Variants in DIAPH3 observed in about 807,000 individuals in gnomAD.
DIAPH3 encodes diaphanous related formin 3, also known as protein diaphanous homolog 3.
A neutral mutation model predicts 144.3 loss-of-function variants in DIAPH3; 117 were observed. That is an observed-to-expected ratio of 0.81 (90% CI 0.70 to 0.95). DIAPH3 has a LOEUF of 0.95. Ranked by LOEUF, DIAPH3 falls within the 40% of genes least tolerant of loss-of-function variation. The probability of loss-of-function intolerance (pLI) is 0.00; values close to 1 mark genes in which losing one functional copy is unlikely to be tolerated. For missense variants in DIAPH3, 1,421 were observed against 1,412.7 expected (o/e 1.01, Z -0.09); for synonymous variants, 519 against 488.9 (o/e 1.06, Z -0.81).
At chr13:59,974,916 C>T (rs1188725978) in intron 14 of DIAPH3, among the ~76,000 whole-genome samples, 1 of 152,030 alleles carries the variant, frequency 6.6e-6, no homozygotes, top group African/African-American at 2.4e-5. Flanking sequence ...TACTAAACAA[C>T]TCCATTCTAT....
intron 23 of DIAPH3, among the ~76,000 whole-genome samples, chr13:59,836,996 A>C (rs1387623317): frequency 2.6e-5 from 4 of 152,018 alleles, no homozygotes; most frequent in African/African-American, 9.7e-5. Flanking sequence ...GTCAGTCCTA[A>C]TTAATGTAAA....
chr13:59,840,834 C>T (rs1381403411), intron 22 of DIAPH3, among the ~76,000 whole-genome samples: 2 of 149,402 alleles, frequency 1.3e-5, no homozygotes, highest in Admixed American at 6.7e-5. Context: ...TTTTCCTTCT[C>T]ACGTATTCCC....
chr13:60,150,551 T>C (rs1251448322), intron 1 of DIAPH3, among the ~76,000 whole-genome samples: 1 of 152,112 alleles, frequency 6.6e-6, no homozygotes, highest in Non-Finnish European at 1.5e-5. Flanking sequence ...TTCAAAGTAC[T>C]GTGTGAGGGA....
At chr13:59,690,301 T>C (rs2033440834) in intron 27 of DIAPH3, among the ~76,000 whole-genome samples, 1 of 152,122 alleles carries the variant, frequency 6.6e-6, no homozygotes, top group East Asian at 1.9e-4. Context: ...CAGGCAAGAA[T>C]TACCAAGTTG....
In DIAPH3 at chr13:60,021,197, T is replaced by C. The variant is rs534961473; in HGVS notation, c.627-5052A>G. 2.0e-5 allele frequency among the ~76,000 whole-genome samples: 3 copies of C among 152,372 alleles called. No homozygotes were observed. The East Asian group carries it at 5.8e-4, about 29-fold the overall frequency. ...GCAAAGGAGAAATTCAGATTGCAGA[T>C]GGAATTAAGGTTGCTAATCAGATGA... On this transcript the variant is annotated intron_variant, in intron 5 of 27. Coordinates refer to ENST00000400324, the MANE Select transcript of DIAPH3 (RefSeq NM_001042517.2).
intron 4 of DIAPH3, among the ~76,000 whole-genome samples, chr13:60,077,902 G>A (rs906972193): frequency 1.3e-5 from 2 of 152,054 alleles, no homozygotes; most frequent in African/African-American, 2.4e-5. Context: ...GGCTTCCTGT[G>A]TAGACTAGCC....
intron 17 of DIAPH3, among the ~76,000 whole-genome samples, chr13:59,956,203 G>A (rs1410268027): frequency 3.3e-5 from 5 of 152,206 alleles, no homozygotes; most frequent in African/African-American, 1.2e-4. Flanking sequence ...GGAGCCAAAT[G>A]TTAATCACCA....
intron 5 of DIAPH3, among the ~76,000 whole-genome samples, chr13:60,036,654 A>C (rs1007493521): frequency 6.6e-6 from 1 of 152,150 alleles, no homozygotes; most frequent in Non-Finnish European, 1.5e-5. Context: ...AGAAATTATC[A>C]CTACTAGTAT....
intron 27 of DIAPH3, among the ~76,000 whole-genome samples, chr13:59,679,045 T>A (rs891316047): frequency 6.6e-6 from 1 of 152,202 alleles, no homozygotes; most frequent in Admixed American, 6.5e-5. Flanking sequence ...CAGTTTCAAT[T>A]CTGATGGTTT....
At chr13:59,681,088 T>G (rs1379343144) in intron 27 of DIAPH3, among the ~76,000 whole-genome samples, 1 of 152,218 alleles carries the variant, frequency 6.6e-6, no homozygotes, top group Non-Finnish European at 1.5e-5. Context: ...TAGCTTTACT[T>G]ATTAAAGATT....
intron 17 of DIAPH3, among the ~76,000 whole-genome samples, chr13:59,951,935 AC>A (rs2049117831): frequency 6.6e-6 from 1 of 152,172 alleles, no homozygotes; most frequent in Non-Finnish European, 1.5e-5. Flanking sequence ...AGAATTGAAA[AC>A]AGGTATTCAA....
chr13:59,770,875 A>C (rs1035748007), intron 27 of DIAPH3, among the ~76,000 whole-genome samples: 2 of 152,174 alleles, frequency 1.3e-5, no homozygotes, highest in African/African-American at 4.8e-5. Flanking sequence ...CAGCTTAATA[A>C]ATTTTGCTGA....
chr13:59,919,528 A>C (rs949742595), intron 18 of DIAPH3, among the ~76,000 whole-genome samples: 2 of 152,132 alleles, frequency 1.3e-5, no homozygotes, highest in African/African-American at 4.8e-5. Context: ...GTGCTGAAGA[A>C]AAACAACTTC....
intron 3 of DIAPH3, among the ~76,000 whole-genome samples, chr13:60,098,519 C>T (rs557558513): frequency 6.6e-6 from 1 of 152,028 alleles, no homozygotes; most frequent in Non-Finnish European, 1.5e-5. Context: ...AAAGTACCTA[C>T]TATACCATCT....
chr13:59,954,156 G>A (rs765755122), intron 17 of DIAPH3, among the ~76,000 whole-genome samples: 3 of 152,126 alleles, frequency 2.0e-5, no homozygotes, highest in African/African-American at 4.8e-5. Context: ...CAAAAGTTAT[G>A]AAGTCAAAAA....
intron 4 of DIAPH3, among the ~76,000 whole-genome samples, chr13:60,076,380 T>C (rs1594596269): frequency 6.6e-6 from 1 of 152,258 alleles, no homozygotes; most frequent in South Asian, 2.1e-4. Flanking sequence ...AACCTTATCT[T>C]GTATAGTTTC....
At chr13:59,717,845 AAACCAAAC>A in intron 27 of DIAPH3, among the ~76,000 whole-genome samples, 1 of 151,846 alleles carries the variant, frequency 6.6e-6, no homozygotes, top group East Asian at 1.9e-4. Flanking sequence ...AACCAAAACC[AAACCAAAC>A]AAAAAAAAAC....
At chr13:59,862,547 G>A (rs1433805660) in intron 21 of DIAPH3, among the ~76,000 whole-genome samples, 1 of 152,166 alleles carries the variant, frequency 6.6e-6, no homozygotes, top group African/African-American at 2.4e-5. Flanking sequence ...AAACCCAGGT[G>A]ATGCTGTTAA....
intron 27 of DIAPH3, among the ~76,000 whole-genome samples, chr13:59,691,064 C>T (rs1298424059): frequency 2.6e-5 from 4 of 151,870 alleles, no homozygotes; most frequent in East Asian, 1.9e-4. Context: ...TAGGGCATTG[C>T]GGGTAGAAAA....
Sources: allele counts gnomAD v4.1 joint callset (sites outside exome capture counted in the v4.1 genomes callset), GRCh38; gene constraint gnomAD v4.1.1; transcripts MANE v1.5; gene names NCBI Gene and HGNC (gene_info 2026-07-23, HGNC 2026-07-21).